PIP4K2A: variants seen among roughly 807,000 people sequenced by gnomAD.
PIP4K2A encodes phosphatidylinositol-5-phosphate 4-kinase type 2 alpha.
In PIP4K2A, 14 loss-of-function variants were observed where a neutral mutation model predicts 42.9. The ratio of observed to expected loss-of-function variants is 0.33; its 90% confidence interval spans 0.22 to 0.51. PIP4K2A has a LOEUF of 0.51. Ranked by LOEUF, PIP4K2A falls within the 20% of genes least tolerant of loss-of-function variation. PIP4K2A has a pLI of 0.97. For missense variants in PIP4K2A, 434 were observed against 519.8 expected (o/e 0.83, Z 1.61); for synonymous variants, 192 against 192.2 (o/e 1.00, Z 0.01).
Position 22,696,262 on chromosome 10 carries a change from G to A in PIP4K2A, c.144+17921C>T, listed in dbSNP as rs947739876. Among the ~76,000 whole-genome samples, 6 of 152,256 alleles carry A rather than the reference G, an allele frequency of 3.9e-5. No individual in the cohort carries two copies. In the East Asian group the frequency reaches 9.6e-4, roughly 24 times the overall value. ...TTGTCTACTTTCATAAAAGAACTGT[G>A]TTTTTGTTTTTGTAGGAAACACAGG... On this transcript the variant is annotated intron_variant, in intron 1 of 9. Coordinates refer to ENST00000376573, the MANE Select transcript of PIP4K2A (RefSeq NM_005028.5).
intron 1 of PIP4K2A, among the ~76,000 whole-genome samples, chr10:22,645,299 A>G (rs1838857815): frequency 6.6e-6 from 1 of 152,178 alleles, no homozygotes; most frequent in South Asian, 2.1e-4. Context: ...TAATCCCAGC[A>G]CTTTGGGAGG....
intron 1 of PIP4K2A, among the ~76,000 whole-genome samples, chr10:22,702,598 G>A (rs1192256271): frequency 1.3e-5 from 2 of 152,138 alleles, no homozygotes; most frequent in Non-Finnish European, 2.9e-5. Context: ...CTTTGGCACT[G>A]GCTTGCAGTT....
intron 1 of PIP4K2A, among the ~76,000 whole-genome samples, chr10:22,674,978 CA>C (rs998366321): frequency 6.7e-6 from 1 of 149,694 alleles, no homozygotes; most frequent in South Asian, 2.1e-4. Flanking sequence ...CTTTAAAAAA[CA>C]AAAAAAAGTC....
chr10:22,567,054 AAAC>A (rs1364971230), intron 6 of PIP4K2A, among the ~76,000 whole-genome samples: 2 of 152,240 alleles, frequency 1.3e-5, no homozygotes, highest in Admixed American at 1.3e-4. Context: ...AACAACTTTC[AAAC>A]AACAATTTTG....
intron 1 of PIP4K2A, among the ~76,000 whole-genome samples, chr10:22,666,824 GTTTT>G (rs1196797055): frequency 2.6e-5 from 4 of 152,158 alleles, no homozygotes; most frequent in Admixed American, 1.3e-4. Context: ...TTTGTAGAAA[GTTTT>G]TAATAGTCCT....
intron 1 of PIP4K2A, among the ~76,000 whole-genome samples, chr10:22,657,561 C>T (rs766679308): frequency 5.3e-5 from 8 of 152,268 alleles, no homozygotes; most frequent in East Asian, 3.9e-4. Context: ...CAAAGACAGA[C>T]GCACTGCTTT....
At chr10:22,602,605 C>A (rs115125121) in intron 3 of PIP4K2A, among the ~76,000 whole-genome samples, 4 of 152,084 alleles carry the variant, frequency 2.6e-5, no homozygotes, top group African/African-American at 9.7e-5. Context: ...CATCCAAATA[C>A]CTTCACATTT....
At chr10:22,661,284 T>G in intron 1 of PIP4K2A, among the ~76,000 whole-genome samples, 1 of 151,962 alleles carries the variant, frequency 6.6e-6, no homozygotes, top group African/African-American at 2.4e-5. Flanking sequence ...ATCCTCCAAA[T>G]TCATCTTGTT....
chr10:22,548,845 A>C (rs1836319481), intron 7 of PIP4K2A, among the ~76,000 whole-genome samples: 1 of 151,856 alleles, frequency 6.6e-6, no homozygotes, highest in African/African-American at 2.4e-5. Context: ...CAGGAGTTCA[A>C]GACCAGCCTG....
chr10:22,541,788 CAG>C lies in PIP4K2A; in HGVS notation c.1036+14_1036+15del. On this transcript the variant is annotated intron_variant, in intron 8 of 9. Coordinates refer to ENST00000376573, the MANE Select transcript of PIP4K2A (RefSeq NM_005028.5). ...CCACTTCACATGCAAAAAGGGTCCA[CAG>C]TAATCAAACTTACTTTCATGGCACT... 6.5e-7 allele frequency: 1 copy of C among 1,537,192 alleles called. No individual in the cohort carries two copies. The highest frequency in any genetic ancestry group is 8.7e-7 in the Non-Finnish European group (1 of 1,143,222).
At chr10:22,596,354 A>G (rs1165855941) in intron 3 of PIP4K2A, among the ~76,000 whole-genome samples, 2 of 152,198 alleles carry the variant, frequency 1.3e-5, no homozygotes, top group Non-Finnish European at 2.9e-5. Context: ...TCATCTCAGC[A>G]GGGGCCTAAT....
chr10:22,564,049 G>A (rs1317410001), intron 6 of PIP4K2A, among the ~76,000 whole-genome samples: 1 of 152,192 alleles, frequency 6.6e-6, no homozygotes, highest in African/African-American at 2.4e-5. Flanking sequence ...CTTTTCATAG[G>A]AAGCTATACC....
At chr10:22,563,826 T>A (rs1213891231) in intron 6 of PIP4K2A, among the ~76,000 whole-genome samples, 1 of 152,168 alleles carries the variant, frequency 6.6e-6, no homozygotes, top group African/African-American at 2.4e-5. Flanking sequence ...CTGGTGACTG[T>A]TAAGGATTAC....
intron 1 of PIP4K2A, among the ~76,000 whole-genome samples, chr10:22,667,702 T>A (rs1839374168): frequency 6.6e-6 from 1 of 152,170 alleles, no homozygotes. Flanking sequence ...AGAAAATAGA[T>A]GTCTTCCAGC....
intron 6 of PIP4K2A, among the ~76,000 whole-genome samples, chr10:22,565,845 C>CT (rs1554795532): frequency 2.0e-5 from 3 of 151,842 alleles, no homozygotes; most frequent in Non-Finnish European, 2.9e-5. Flanking sequence ...ACAGCCCCCC[C>CT]AGGTGTGCCT....
chr10:22,580,509 A>G (rs1471038985), intron 4 of PIP4K2A, among the ~76,000 whole-genome samples: 1 of 151,938 alleles, frequency 6.6e-6, no homozygotes, highest in Non-Finnish European at 1.5e-5. Flanking sequence ...AAAGAAAGAC[A>G]GTGAGAAGAA....
intron 1 of PIP4K2A, among the ~76,000 whole-genome samples, chr10:22,636,011 A>G (rs1244168720): frequency 6.6e-6 from 1 of 152,214 alleles, no homozygotes; most frequent in Non-Finnish European, 1.5e-5. Context: ...TTTAGAAGTA[A>G]TCGGCAAAGA....
intron 1 of PIP4K2A, among the ~76,000 whole-genome samples, chr10:22,673,027 G>C (rs1839485854): frequency 6.6e-6 from 1 of 152,112 alleles, no homozygotes; most frequent in South Asian, 2.1e-4. Context: ...TCCCTGTCCA[G>C]GGCCACTTCC....
chr10:22,618,186 A>C (rs1588666834), intron 1 of PIP4K2A, among the ~76,000 whole-genome samples: 1 of 152,196 alleles, frequency 6.6e-6, no homozygotes, highest in East Asian at 1.9e-4. Context: ...TACAGATAAA[A>C]ATCTCTCCTC....
Sources: gnomAD v4.1 joint callset for allele counts (sites outside exome capture counted in the v4.1 genomes callset) on GRCh38, gnomAD v4.1.1 for gene constraint, MANE v1.5 for transcripts, NCBI Gene and HGNC (gene_info 2026-07-23, HGNC 2026-07-21) for gene names.